Variants in SRCAP observed in about 807,000 individuals in gnomAD.
SRCAP encodes chromatin remodeling protein SRCAP.
SRCAP carries 46 observed loss-of-function variants against 263.1 expected under a neutral mutation model. The observed-to-expected ratio is 0.17, with a 90% CI of 0.14 to 0.22. The LOEUF (loss-of-function observed/expected upper bound fraction) is 0.22, where lower values mean the gene tolerates loss of function less well. Among genes scored for constraint, SRCAP ranks in the 10% least tolerant of loss-of-function variants. The pLI is 1.00. For missense variants in SRCAP, 3,695 were observed against 4,181.9 expected (o/e 0.88, Z 3.21); for synonymous variants, 1,813 against 1,662.1 (o/e 1.09, Z -2.21).
intron 4 of SRCAP, 88 bp from the exon 5 acceptor site, chr16:30,707,095 A>C (rs2151286163): frequency 7.3e-7 from 1 of 1,361,848 alleles, no homozygotes; most frequent in Non-Finnish European, 1.0e-6. Context: ...TAACACACTC[A>C]GCCCACTTAG....
Position 30,740,034 on chromosome 16 carries a change from T to G in SRCAP, c.*301T>G. 1 of 285,404 alleles carries G rather than the reference T, an allele frequency of 3.5e-6. No homozygotes were observed. The highest frequency in any genetic ancestry group is 6.5e-6 in the Non-Finnish European group (1 of 154,746). 17.7% of individuals were successfully genotyped at this position (285,404 alleles called of 1,614,324 possible). A position where few individuals can be genotyped will look rare whatever the true frequency, so the allele number is the denominator to read the frequency against. On this transcript the variant is annotated 3_prime_UTR_variant, in exon 34 of 34. Transcript: ENST00000262518. ...TGTCTTTCACACAGCCCCCCACCCT[T>G]AGGGGAAGGGGGAGGGGCTTCTCTA... is the stretch of plus-strand genomic sequence containing the variant.
chr16:30,703,455 A>C (rs2052791360), intron 3 of SRCAP, among the ~76,000 whole-genome samples: 1 of 150,756 alleles, frequency 6.6e-6, no homozygotes, highest in South Asian at 2.1e-4. Flanking sequence ...TAGCCTCCCA[A>C]AGTGCTGGGA....
rs771141103 is a variant in SRCAP at position 30,737,035 on chromosome 16, C to A, written c.7009-14C>A. On this transcript the variant is annotated splice_polypyrimidine_tract_variant and intron_variant, in intron 33 of 33. Transcript: ENST00000262518. ...TTGCCTCCTCCTGACCACTTTTGGA[C>A]CCTGTTGTTGTAGGAGCAAGTGGAA... The A allele has an allele frequency of 9.6e-6, 15 of 1,568,746 alleles. No homozygotes were observed. The highest frequency in any genetic ancestry group is 3.4e-4 in the Middle Eastern group (2 of 5,816).
chr16:30,735,385 AT>A (rs2053150909), intron 31 of SRCAP, among the ~76,000 whole-genome samples: 2 of 151,480 alleles, frequency 1.3e-5, no homozygotes, highest in East Asian at 3.9e-4. Flanking sequence ...TGACCTCGTG[AT>A]CCGCCCGCCT....
intron 27 of SRCAP, among the ~76,000 whole-genome samples, chr16:30,732,725 T>A (rs560958239): frequency 2.5e-4 from 38 of 152,342 alleles, no homozygotes; most frequent in Admixed American, 2.6e-4. Flanking sequence ...TGTTTTTCCC[T>A]CGATGTTATG....
intron 8 of SRCAP, 119 bp from the exon 9 acceptor site, chr16:30,710,635 C>T (rs751600277): frequency 2.9e-6 from 3 of 1,023,708 alleles, no homozygotes; most frequent in Non-Finnish European, 4.7e-6. Flanking sequence ...TGGGATTATA[C>T]CAGTGGCAAC....
intron 14 of SRCAP, 58 bp downstream of exon 14, chr16:30,712,873 C>CT: frequency 6.3e-7 from 1 of 1,585,662 alleles, no homozygotes; most frequent in African/African-American, 1.4e-5. Flanking sequence ...TTTTTAAGCC[C>CT]TTTCCTCAGG....
Position 30,739,250 on chromosome 16 carries a change from G to A in SRCAP, c.9210G>A (p.Arg3070=). 3.1e-6 allele frequency: 5 copies of A among 1,613,754 alleles called. No individual in the cohort carries two copies. Among genetic ancestry groups the A allele is most frequent in the African/African-American group, 2.7e-5 (2 of 75,048 alleles). The change falls in exon 34 of 34, where the codon CGG becomes CGA. Residue 3070 remains arginine, a synonymous_variant. Transcript: ENST00000262518. ...SRPLTRLARL[R]LEAEGMRGRK... ...CCCTCACCCGCCTGGCCCGCCTTCGGCTTGAAGCAGAAGGAATGCGAGGAC... is the reference window on the plus strand; with the variant it reads ...CCCTCACCCGCCTGGCCCGCCTTCGACTTGAAGCAGAAGGAATGCGAGGAC...
chr16:30,712,857 CCTT>C (rs1567243156), intron 14 of SRCAP, 42 bp downstream of exon 14: 2 of 1,603,042 alleles, frequency 1.2e-6, no homozygotes, highest in African/African-American at 2.7e-5. Context: ...ATTGATGCCT[CCTT>C]TATTTTTAAG....
chr16:30,734,402 A>AC, intron 30 of SRCAP, 94 bp from the exon 31 acceptor site: 1 of 1,556,438 alleles, frequency 6.4e-7, no homozygotes, highest in East Asian at 2.3e-5. Flanking sequence ...AACCAGTGGT[A>AC]CCCCTGACAG....
In SRCAP at chr16:30,722,968, C is replaced by G. The variant is rs1349668983; in HGVS notation, c.3898C>G (p.Pro1300Ala). Residue 1300 changes from proline (P) to alanine (A), a missense_variant, in exon 24 of 34, where the codon CCA becomes GCA. Physicochemically the swap from Pro to Ala is conservative, Grantham distance 27 (BLOSUM62 -1). Transcript: ENST00000262518. ...SLPLAANQVP[P>A]TMVNNTGVVK... is the part of the protein sequence containing the mutation. Reference sequence around the variant, plus strand: ...AGTGTAGCTTCCTCTTGCAGTGCCACCAACCATGGTGAATAATACAGGCGT... The same window carrying G: ...AGTGTAGCTTCCTCTTGCAGTGCCAGCAACCATGGTGAATAATACAGGCGT... 1.2e-6 allele frequency: 2 copies of G among 1,605,352 alleles called. No individual in the cohort carries two copies. Among genetic ancestry groups the G allele is most frequent in the African/African-American group, 2.7e-5 (2 of 74,782 alleles).
rs1328825607 is a variant in SRCAP, at chr16:30,740,002, C to G, written c.*269C>G. On this transcript the variant is annotated 3_prime_UTR_variant, in exon 34 of 34. Transcript: ENST00000262518. The stretch of plus-strand genomic sequence containing the variant: ...TGTCCCCACCCCCTTGTACTTGATT[C>G]CCCAGCTGTCTTTCACACAGCCCCC... The G allele has an allele frequency of 5.5e-6, 2 of 361,092 alleles. No homozygotes were observed. Among genetic ancestry groups the G allele is most frequent in the Non-Finnish European group, 9.7e-6 (2 of 207,086 alleles). 22.4% of individuals were successfully genotyped at this position (361,092 alleles called of 1,614,324 possible).
In SRCAP at chr16:30,711,019, A is replaced by G. The variant is rs1265214765; in HGVS notation, c.1249A>G (p.Ile417Val). The G allele has an allele frequency of 6.2e-7, 1 of 1,614,098 alleles. No individual in the cohort carries two copies. The highest frequency in any genetic ancestry group is 8.5e-7 in the Non-Finnish European group (1 of 1,180,004). The change falls in exon 10 of 34, where the codon ATA becomes GTA. Residue 417 changes from isoleucine to valine, a missense_variant. Physicochemically the swap from Ile to Val is conservative, Grantham distance 29. Coordinates refer to ENST00000262518, the MANE Select transcript of SRCAP (RefSeq NM_006662.3). ...CCTAGCGGAGGATGAAGAGGATACT[A>G]TAGCAGCTGAGGAACAGTTGGAAGG... ...EEEAEDEEDTIAAEEQLEGEV... is the reference protein window; with the variant it reads ...EEEAEDEEDTVAAEEQLEGEV...
At chr16:30,722,840 T>C in intron 23 of SRCAP, 92 bp downstream of exon 23, 14 of 1,545,788 alleles carry the variant, frequency 9.1e-6, no homozygotes, top group South Asian at 7.4e-5. Flanking sequence ...TCCCTCAGTG[T>C]TGTTTTCCCT....
Position 30,724,271 on chromosome 16 carries a change from C to G in SRCAP, c.4847C>G (p.Pro1616Arg), listed in dbSNP as rs1381691417. The change falls in exon 25 of 34, where the codon CCA (proline) becomes CGA (arginine). Residue 1616 changes from proline to arginine, a missense_variant. Physicochemically the swap from Pro to Arg is moderately radical, Grantham distance 103. Transcript: ENST00000262518. ...LAPLPVLAPS[P>R]GAAPVLASSQ... ...CCTCTTCCGGTCCTGGCACCATCGC[C>G]AGGTGCTGCTCCTGTCCTGGCTTCA... The G allele has an allele frequency of 1.2e-6, 2 of 1,614,178 alleles. No homozygotes were observed. The highest frequency in any genetic ancestry group is 3.3e-5 in the Admixed American group (2 of 60,026).
chr16:30,712,898 TCC>T, intron 14 of SRCAP, 83 bp downstream of exon 14: 1 of 1,511,464 alleles, frequency 6.6e-7, no homozygotes, highest in Non-Finnish European at 8.9e-7. Flanking sequence ...TTCCTTTCTC[TCC>T]TCTTTCTTTT....
chr16:30,709,536 C>G lies in SRCAP; in HGVS notation c.657C>G (p.Ser219=). ...VEKVVQFKQQ[S]RLEEKRKKAL... ...AGGTGGTGCAATTCAAGCAACAGTC[C>G]CGGCTTGAGGAAAAGCGCAAAAAAG... Residue 219 remains serine, a synonymous_variant, in exon 7 of 34, where the codon TCC becomes TCG. Coordinates refer to ENST00000262518, the MANE Select transcript of SRCAP (RefSeq NM_006662.3). 1 of 1,614,104 alleles carries G rather than the reference C, an allele frequency of 6.2e-7. No homozygotes were observed. The highest frequency in any genetic ancestry group is 8.5e-7 in the Non-Finnish European group (1 of 1,180,022).
intron 18 of SRCAP, among the ~76,000 whole-genome samples, chr16:30,719,614 A>G (rs760869402): frequency 2.0e-5 from 3 of 151,960 alleles, no homozygotes; most frequent in African/African-American, 2.4e-5. Context: ...CCTGGGCTCA[A>G]GCAGTCCTCC....
chr16:30,726,548 T>G (rs2053066376), intron 25 of SRCAP, among the ~76,000 whole-genome samples: 1 of 149,772 alleles, frequency 6.7e-6, no homozygotes, highest in South Asian at 2.1e-4. Context: ...TGAGAAGGAG[T>G]CTTGCTCTGT....
Sources: allele counts gnomAD v4.1 joint callset (sites outside exome capture counted in the v4.1 genomes callset), GRCh38; gene constraint gnomAD v4.1.1; transcripts MANE v1.5; gene names NCBI Gene and HGNC (gene_info 2026-07-23, HGNC 2026-07-21).